The following FAM53B variants were observed in gnomAD, a reference collection of about 807,000 sequenced individuals.
FAM53B encodes family with sequence similarity 53 member B.
Under a neutral mutation model 32.7 loss-of-function variants are expected in FAM53B, and 12 were observed. The observed-to-expected ratio is 0.37, with a 90% confidence interval of 0.24 to 0.59. The LOEUF is 0.59. FAM53B is among the 20% of genes least tolerant of loss of function. The pLI, the probability that FAM53B is intolerant of heterozygous loss-of-function variation, is 0.72. For missense variants in FAM53B, 477 were observed against 577.7 expected (o/e 0.83, Z 1.79); for synonymous variants, 234 against 228.7 (o/e 1.02, Z -0.21).
chr10:124,732,894 C>T (rs1488000406), intron 1 of FAM53B, among the ~76,000 whole-genome samples: 3 of 152,086 alleles, frequency 2.0e-5, no homozygotes, highest in Non-Finnish European at 4.4e-5. Context: ...TGGACTATCA[C>T]GTACTCTCCT....
chr10:124,732,615 T>C (rs1464692378), intron 1 of FAM53B, among the ~76,000 whole-genome samples: 10 of 152,324 alleles, frequency 6.6e-5, no homozygotes. Flanking sequence ...TCCCAGCACT[T>C]TGGGAGGCCC....
At chr10:124,665,074 G>A (rs1439115602) in intron 4 of FAM53B, among the ~76,000 whole-genome samples, 1 of 152,134 alleles carries the variant, frequency 6.6e-6, no homozygotes, top group Non-Finnish European at 1.5e-5. Flanking sequence ...CCTCGCTTGT[G>A]TGCACCAGGC....
At chr10:124,694,483 CTTA>C (rs1357147819) in intron 3 of FAM53B, among the ~76,000 whole-genome samples, 1 of 152,254 alleles carries the variant, frequency 6.6e-6, no homozygotes, top group East Asian at 1.9e-4. Flanking sequence ...AGACTTCCAC[CTTA>C]TTATAACTTA....
chr10:124,687,358 G>A (rs1589750930), intron 3 of FAM53B, among the ~76,000 whole-genome samples: 1 of 152,168 alleles, frequency 6.6e-6, no homozygotes, highest in East Asian at 1.9e-4. Flanking sequence ...CATGGATGTA[G>A]GAGTCTACTG....
chr10:124,655,441 C>T (rs1175661702), intron 4 of FAM53B, among the ~76,000 whole-genome samples: 3 of 152,066 alleles, frequency 2.0e-5, no homozygotes, highest in Non-Finnish European at 4.4e-5. Context: ...CTTTCCCCAC[C>T]AAGACATCTC....
At chr10:124,628,372 T>C (rs1439395209) in intron 4 of FAM53B, among the ~76,000 whole-genome samples, 3 of 152,190 alleles carry the variant, frequency 2.0e-5, no homozygotes, top group African/African-American at 7.2e-5. Flanking sequence ...TTTGTCCCGG[T>C]TGCCTCCTCC....
intron 4 of FAM53B, among the ~76,000 whole-genome samples, chr10:124,658,965 G>A (rs900596181): frequency 6.6e-6 from 1 of 152,208 alleles, no homozygotes; most frequent in Non-Finnish European, 1.5e-5. Flanking sequence ...CGGCACCATG[G>A]CCCTAGGTGA....
chr10:124,694,625 T>C (rs554139404), intron 3 of FAM53B, among the ~76,000 whole-genome samples: 1 of 152,344 alleles, frequency 6.6e-6, no homozygotes, highest in South Asian at 2.1e-4. Context: ...GGCCTCTCTC[T>C]TTCCCAGCAT....
At chr10:124,722,425 A>G (rs1169207689) in intron 1 of FAM53B, among the ~76,000 whole-genome samples, 4 of 152,244 alleles carry the variant, frequency 2.6e-5, no homozygotes, top group Non-Finnish European at 5.9e-5. Context: ...AGCAAAGATC[A>G]GAACAGTGGG....
intron 1 of FAM53B, among the ~76,000 whole-genome samples, chr10:124,738,080 A>G (rs1950182093): frequency 7.3e-6 from 1 of 137,226 alleles, no homozygotes; most frequent in South Asian, 2.4e-4. Flanking sequence ...GGTGCCCTTC[A>G]GATGCCACTT....
intron 4 of FAM53B, among the ~76,000 whole-genome samples, chr10:124,655,917 T>C (rs529776163): frequency 1.3e-5 from 2 of 152,296 alleles, no homozygotes; most frequent in East Asian, 1.9e-4. Flanking sequence ...GCCATCCTGC[T>C]CCACACAGTC....
chr10:124,667,727 A>G (rs6597848), intron 4 of FAM53B, among the ~76,000 whole-genome samples: 2,479 of 152,362 alleles, frequency 0.016, 62 homozygotes, highest in African/African-American at 0.056. Context: ...GCTAATGAGA[A>G]TAATGCCTCC....
chr10:124,634,792 G>A (rs1949416918), intron 4 of FAM53B, among the ~76,000 whole-genome samples: 1 of 152,232 alleles, frequency 6.6e-6, no homozygotes, highest in South Asian at 2.1e-4. Flanking sequence ...GGGACGGGGA[G>A]TGACTGCTAA....
chr10:124,619,852 C>CGT lies in FAM53B; in HGVS notation c.*3389_*3390insAC. On this transcript the variant is annotated 3_prime_UTR_variant, in exon 5 of 5. Transcript: ENST00000337318. Reference sequence around the variant, plus strand: ...GTGACCGTCATTCCAGTGACCACCCCCATAGCCACAGACGGCACGTCAGTG... The same window carrying CGT: ...GTGACCGTCATTCCAGTGACCACCCCGTCATAGCCACAGACGGCACGTCAGTG... 6.6e-6 allele frequency: 1 copy of CGT among 152,564 alleles called. No homozygotes were observed. The highest frequency in any genetic ancestry group is 2.1e-4 in the South Asian group (1 of 4,822). 9.5% of individuals were successfully genotyped at this position (152,564 alleles called of 1,614,324 possible).
intron 4 of FAM53B, among the ~76,000 whole-genome samples, chr10:124,655,034 TG>T (rs1160494091): frequency 6.6e-6 from 1 of 152,210 alleles, no homozygotes; most frequent in Non-Finnish European, 1.5e-5. Context: ...ACACAGGTGA[TG>T]GGCTTCTGGA....
chr10:124,659,356 T>TG (rs762577624), intron 4 of FAM53B, among the ~76,000 whole-genome samples: 1 of 152,248 alleles, frequency 6.6e-6, no homozygotes, highest in Non-Finnish European at 1.5e-5. Context: ...TTTTCCTCCT[T>TG]GCCCCTCATC....
At chr10:124,699,241 A>G (rs1949896689) in intron 2 of FAM53B, among the ~76,000 whole-genome samples, 1 of 152,182 alleles carries the variant, frequency 6.6e-6, no homozygotes, top group Admixed American at 6.5e-5. Flanking sequence ...ATCCCAGCTG[A>G]CAGCAGGCAC....
intron 1 of FAM53B, among the ~76,000 whole-genome samples, chr10:124,739,363 A>AG (rs2134106591): frequency 6.6e-6 from 1 of 152,396 alleles, no homozygotes; most frequent in African/African-American, 2.4e-5. Flanking sequence ...GTGTATACAA[A>AG]GCCCAGGGCC....
intron 4 of FAM53B, among the ~76,000 whole-genome samples, chr10:124,632,230 T>G (rs1024336167): frequency 2.6e-5 from 4 of 152,250 alleles, no homozygotes; most frequent in African/African-American, 9.6e-5. Context: ...ACAGAAGGTG[T>G]GGGAGCTGAC....
Sources: allele counts gnomAD v4.1 joint callset (sites outside exome capture counted in the v4.1 genomes callset), GRCh38; gene constraint gnomAD v4.1.1; transcripts MANE v1.5; gene names NCBI Gene and HGNC (gene_info 2026-07-23, HGNC 2026-07-21).